The following ZNF423 variants were observed in gnomAD, a reference collection of about 807,000 sequenced individuals.
ZNF423 encodes the protein zinc finger protein 423.
A neutral mutation model predicts 95.8 loss-of-function variants in ZNF423; 12 were observed. That is an observed-to-expected ratio of 0.13 (90% confidence interval 0.08 to 0.20). The LOEUF (loss-of-function observed/expected upper bound fraction) is 0.20. ZNF423 is among the 10% of genes least tolerant of loss of function. The pLI is 1.00. For missense variants in ZNF423, 1,316 were observed against 1,737.1 expected (o/e 0.76, Z 4.31); for synonymous variants, 749 against 711.9 (o/e 1.05, Z -0.83).
At chr16:49,788,860 C>G (rs775342392) in intron 2 of ZNF423, among the ~76,000 whole-genome samples, 3 of 152,248 alleles carry the variant, frequency 2.0e-5, no homozygotes, top group Non-Finnish European at 4.4e-5. Context: ...AAAGCCAGTT[C>G]TAATCTCAGT....
chr16:49,764,494 A>C (rs964250329), intron 2 of ZNF423: 1 of 152,878 alleles, frequency 6.5e-6, no homozygotes, highest in African/African-American at 2.4e-5. Flanking sequence ...CTGTGATGTT[A>C]CAGAAAAGGA....
chr16:49,621,933 G>A (rs922520118), intron 5 of ZNF423, among the ~76,000 whole-genome samples: 3 of 152,094 alleles, frequency 2.0e-5, no homozygotes, highest in African/African-American at 4.8e-5. Flanking sequence ...GTGGGTCTTC[G>A]TTCTCTTCCC....
chr16:49,725,692 C>T (rs2032993090), intron 3 of ZNF423, among the ~76,000 whole-genome samples: 1 of 152,182 alleles, frequency 6.6e-6, no homozygotes, highest in African/African-American at 2.4e-5. Context: ...GTGTTCCAGG[C>T]AGAGTCCCAT....
intron 5 of ZNF423, among the ~76,000 whole-genome samples, chr16:49,562,531 C>T (rs1374450195): frequency 1.3e-5 from 2 of 152,010 alleles, no homozygotes; most frequent in Non-Finnish European, 2.9e-5. Context: ...CAGGTGAGAA[C>T]CAACAAAAAA....
At chr16:49,805,671 G>A (rs1233856716) in intron 1 of ZNF423, among the ~76,000 whole-genome samples, 1 of 152,214 alleles carries the variant, frequency 6.6e-6, no homozygotes, top group Non-Finnish European at 1.5e-5. Flanking sequence ...GTCTGCAGAG[G>A]TCAGTATTGG....
intron 1 of ZNF423, among the ~76,000 whole-genome samples, chr16:49,793,510 C>T (rs532213492): frequency 6.6e-6 from 1 of 152,334 alleles, no homozygotes; most frequent in African/African-American, 2.4e-5. Flanking sequence ...TTAATGTATA[C>T]AATAATTGGC....
At position 49,798,534 on chromosome 16, in the gene ZNF423, C is replaced by G. The variant is rs564110085; in HGVS notation, c.41-8988G>C. Among the ~76,000 whole-genome samples the G allele has an allele frequency of 6.7e-4, 102 of 152,118 alleles. 2 individuals carry two copies. The South Asian group carries it at 0.021, about 31-fold the overall frequency. On this transcript the variant is annotated intron_variant, in intron 1 of 7. Coordinates refer to ENST00000563137, the MANE Select transcript of ZNF423 (RefSeq NM_001379286.1). Reference sequence around the variant, plus strand: ...GAAACAAAACAAAATAAAAAAGAAGCCTGTTTTCAGACAACACAACTCCTA... The same window carrying G: ...GAAACAAAACAAAATAAAAAAGAAGGCTGTTTTCAGACAACACAACTCCTA...
chr16:49,807,685 G>A (rs1006327258), intron 1 of ZNF423, among the ~76,000 whole-genome samples: 2 of 152,158 alleles, frequency 1.3e-5, no homozygotes, highest in East Asian at 3.9e-4. Context: ...GGCCTTTGGG[G>A]GACCCCAGGC....
chr16:49,523,146 C>T (rs1968465588), intron 7 of ZNF423, among the ~76,000 whole-genome samples: 1 of 152,182 alleles, frequency 6.6e-6, no homozygotes, highest in Non-Finnish European at 1.5e-5. Flanking sequence ...CCTCTGGTGA[C>T]TGCCTCTAAG....
chr16:49,634,267 G>A (rs141106375), intron 4 of ZNF423, among the ~76,000 whole-genome samples: 83 of 150,620 alleles, frequency 5.5e-4, no homozygotes, highest in Non-Finnish European at 1.1e-3. Flanking sequence ...GGAATGCAAT[G>A]GTGTGATCAT....
intron 5 of ZNF423, among the ~76,000 whole-genome samples, chr16:49,527,717 G>T (rs998923753): frequency 1.3e-5 from 2 of 152,204 alleles, no homozygotes; most frequent in Non-Finnish European, 2.9e-5. Flanking sequence ...CTGGGAAGAA[G>T]AAATGGGTTC....
chr16:49,749,760 C>T (rs1011368208), intron 2 of ZNF423, among the ~76,000 whole-genome samples: 5 of 123,238 alleles, frequency 4.1e-5, no homozygotes, highest in African/African-American at 1.6e-4. Flanking sequence ...TCCACAACTC[C>T]TAGTTAAATG....
chr16:49,706,035 G>A (rs1055877598), intron 3 of ZNF423, among the ~76,000 whole-genome samples: 11 of 152,142 alleles, frequency 7.2e-5, no homozygotes, highest in East Asian at 1.9e-4. Flanking sequence ...GGCACACTGC[G>A]GGGTGGTGTT....
chr16:49,697,087 G>C (rs568222696), intron 3 of ZNF423, among the ~76,000 whole-genome samples: 11 of 152,156 alleles, frequency 7.2e-5, no homozygotes, highest in Non-Finnish European at 1.3e-4. Context: ...ACCTTTCTTC[G>C]ACCTTCCAGA....
chr16:49,662,191 AG>A (rs1454044819), intron 3 of ZNF423, among the ~76,000 whole-genome samples: 1 of 152,202 alleles, frequency 6.6e-6, no homozygotes, highest in African/African-American at 2.4e-5. Flanking sequence ...TCATAAAGAA[AG>A]CCAGTCCCCC....
rs1475141027 is a variant in ZNF423, at chr16:49,637,650, A to G, written c.1526T>C (p.Val509Ala). 1 of 1,613,842 alleles carries G rather than the reference A, an allele frequency of 6.2e-7. No individual in the cohort carries two copies. The highest frequency in any genetic ancestry group is 1.3e-5 in the African/African-American group (1 of 74,894). Residue 509 changes from valine to alanine, a missense_variant, in exon 4 of 8, where the codon GTC (valine) becomes GCC (alanine). Coordinates refer to ENST00000563137, the MANE Select transcript of ZNF423 (RefSeq NM_001379286.1). This position sits in a 1 kb window ranked among gnomAD's most constrained non-coding sequence, Gnocchi z 5.6. ...DINSLQEHIRVSHCGPNANPS... is the reference protein window; with the variant it reads ...DINSLQEHIRASHCGPNANPS... ...GTTGGCGTTGGGGCCGCAGTGGGAG[A>G]CGCGGATGTGCTCCTGCAGGCTATT...
intron 1 of ZNF423, among the ~76,000 whole-genome samples, chr16:49,853,385 C>T (rs1242334879): frequency 1.3e-5 from 2 of 152,136 alleles, no homozygotes; most frequent in Non-Finnish European, 2.9e-5. Context: ...CTCTTAATTC[C>T]TCCCTTGATA....
chr16:49,797,327 T>C (rs2034514154), intron 1 of ZNF423, among the ~76,000 whole-genome samples: 1 of 152,160 alleles, frequency 6.6e-6, no homozygotes, highest in South Asian at 2.1e-4. Flanking sequence ...AGCTGAAATG[T>C]GACCCACACT....
At chr16:49,612,000 C>T (rs1413210453) in intron 5 of ZNF423, among the ~76,000 whole-genome samples, 1 of 151,952 alleles carries the variant, frequency 6.6e-6, no homozygotes, top group Non-Finnish European at 1.5e-5. Context: ...TAATTTAAAA[C>T]TCCCTGTAAA....
Sources: gnomAD v4.1 joint callset for allele counts (sites outside exome capture counted in the v4.1 genomes callset) on GRCh38, gnomAD v4.1.1 for gene constraint, Gnocchi (gnomAD v3.1) non-coding constraint, MANE v1.5 for transcripts, NCBI Gene and HGNC (gene_info 2026-07-23, HGNC 2026-07-21) for gene names.